The following GABRG3 variants were observed in gnomAD, a reference collection of about 807,000 sequenced individuals.
GABRG3 encodes gamma-aminobutyric acid receptor subunit gamma-3.
GABRG3 carries 25 observed loss-of-function variants against 48.8 expected under a neutral mutation model. That is an observed-to-expected ratio of 0.51 (90% CI 0.37 to 0.72). GABRG3 has a LOEUF of 0.72. GABRG3 is among the 30% of genes least tolerant of loss of function. The pLI is 0.00. For synonymous variants in GABRG3, 227 were observed against 217.6 expected (o/e 1.04, Z -0.38); for missense variants, 394 against 577.9 (o/e 0.68, Z 3.26).
intron 5 of GABRG3, among the ~76,000 whole-genome samples, chr15:27,331,384 T>C (rs1393948199): frequency 6.6e-6 from 1 of 152,164 alleles, no homozygotes; most frequent in African/African-American, 2.4e-5. Flanking sequence ...CACGGCATAT[T>C]CATGCAATGG....
At chr15:27,114,856 G>C (rs1897615296) in intron 3 of GABRG3, among the ~76,000 whole-genome samples, 1 of 150,196 alleles carries the variant, frequency 6.7e-6, no homozygotes. Flanking sequence ...TATTCTATTT[G>C]CTGATGGAAA....
intron 3 of GABRG3, among the ~76,000 whole-genome samples, chr15:27,265,440 C>A (rs183542846): frequency 3.9e-5 from 6 of 152,200 alleles, no homozygotes; most frequent in Admixed American, 3.9e-4. Context: ...TCTAAATACT[C>A]ATTTTTCCTT....
intron 3 of GABRG3, among the ~76,000 whole-genome samples, chr15:27,028,035 A>G (rs1251842464): frequency 1.3e-5 from 2 of 152,240 alleles, no homozygotes; most frequent in East Asian, 1.9e-4. Context: ...ATTTGCATAT[A>G]GAGGGATTTT....
chr15:27,375,162 G>T (rs898689399), intron 5 of GABRG3, among the ~76,000 whole-genome samples: 1 of 152,126 alleles, frequency 6.6e-6, no homozygotes, highest in South Asian at 2.1e-4. Context: ...AAGTATGTAG[G>T]TGTGTTGACA....
chr15:27,159,146 T>C (rs1271086064), intron 3 of GABRG3, among the ~76,000 whole-genome samples: 1 of 152,166 alleles, frequency 6.6e-6, no homozygotes, highest in Non-Finnish European at 1.5e-5. Context: ...AGCAATTTAA[T>C]TTTTATGGTT....
chr15:27,209,885 T>G (rs1046987967), intron 3 of GABRG3, among the ~76,000 whole-genome samples: 1 of 152,224 alleles, frequency 6.6e-6, no homozygotes, highest in Non-Finnish European at 1.5e-5. Flanking sequence ...CTTCCTGCTG[T>G]GTCCTCACAC....
At position 26,975,854 on chromosome 15, in the gene GABRG3, T is replaced by G. The variant is rs1258078939; in HGVS notation, c.54-1148T>G. Among the ~76,000 whole-genome samples, 1 of 152,160 alleles carries G rather than the reference T, an allele frequency of 6.6e-6. No homozygotes were observed. Among genetic ancestry groups the G allele is most frequent in the East Asian group, 1.9e-4 (1 of 5,188 alleles). ...CCGTGCAGTTTTCAATTCTTTTTAT[T>G]CTCTTCTGTGAAGAAAAAGTCACTA... On this transcript the variant is annotated intron_variant, in intron 1 of 9. Coordinates refer to ENST00000615808, the MANE Select transcript of GABRG3 (RefSeq NM_033223.5). This position sits in a 1 kb window ranked among gnomAD's most constrained non-coding sequence, Gnocchi z 4.6.
chr15:27,271,974 C>T (rs115268304), intron 3 of GABRG3, among the ~76,000 whole-genome samples: 2,039 of 152,286 alleles, frequency 0.013, 57 homozygotes, highest in African/African-American at 0.047. Context: ...TATTCCGCTT[C>T]CCTCTGACTC....
At chr15:27,505,348 A>C (rs1187117478) in intron 6 of GABRG3, among the ~76,000 whole-genome samples, 1 of 152,190 alleles carries the variant, frequency 6.6e-6, no homozygotes, top group East Asian at 1.9e-4. Context: ...CTGTAAAGTT[A>C]CAATATTTTC....
intron 3 of GABRG3, among the ~76,000 whole-genome samples, chr15:27,308,685 A>G (rs1183186339): frequency 3.4e-5 from 5 of 149,022 alleles, no homozygotes; most frequent in African/African-American, 9.9e-5. Context: ...ACGCTTATGT[A>G]TAAACATATA....
intron 3 of GABRG3, among the ~76,000 whole-genome samples, chr15:27,035,280 G>A (rs1896156595): frequency 1.3e-5 from 2 of 152,202 alleles, no homozygotes; most frequent in Non-Finnish European, 2.9e-5. Context: ...CACCTGGTAG[G>A]ATGGGGTGTT....
chr15:27,276,135 A>T (rs1566990286), intron 3 of GABRG3, among the ~76,000 whole-genome samples: 1 of 152,186 alleles, frequency 6.6e-6, no homozygotes, highest in Non-Finnish European at 1.5e-5. Flanking sequence ...TTTGGCAGAG[A>T]CTTAAGAGCA....
At chr15:27,335,265 T>C (rs905854972) in intron 5 of GABRG3, among the ~76,000 whole-genome samples, 1 of 149,376 alleles carries the variant, frequency 6.7e-6, no homozygotes, top group African/African-American at 2.5e-5. Flanking sequence ...AGAAGTGGAA[T>C]TGCTGGACCA....
intron 3 of GABRG3, among the ~76,000 whole-genome samples, chr15:27,135,660 A>G (rs1421142954): frequency 6.6e-6 from 1 of 152,162 alleles, no homozygotes; most frequent in Non-Finnish European, 1.5e-5. Context: ...TAATCCTAGC[A>G]CTTTGGGAGC....
chr15:27,301,536 G>A (rs1892206097), intron 3 of GABRG3, among the ~76,000 whole-genome samples: 1 of 152,078 alleles, frequency 6.6e-6, no homozygotes, highest in Non-Finnish European at 1.5e-5. Flanking sequence ...GTAAATGGAA[G>A]TTAGAAATAC....
chr15:27,033,000 CTTT>C (rs35121636), intron 3 of GABRG3, among the ~76,000 whole-genome samples: 1 of 151,988 alleles, frequency 6.6e-6, no homozygotes, highest in African/African-American at 2.4e-5. Context: ...TACAGCCCTT[CTTT>C]TTAAGCCATT....
At chr15:27,312,114 CA>C (rs1305002312) in intron 3 of GABRG3, among the ~76,000 whole-genome samples, 1 of 151,858 alleles carries the variant, frequency 6.6e-6, no homozygotes, top group Non-Finnish European at 1.5e-5. Flanking sequence ...ACAGAAAATA[CA>C]AAGTACCAAA....
intron 3 of GABRG3, among the ~76,000 whole-genome samples, chr15:27,195,614 C>A (rs1242127548): frequency 6.6e-6 from 1 of 152,016 alleles, no homozygotes; most frequent in Non-Finnish European, 1.5e-5. Flanking sequence ...GCCACCATGC[C>A]TGGCCATGTT....
chr15:27,338,611 A>G (rs1049732195), intron 5 of GABRG3, among the ~76,000 whole-genome samples: 1 of 152,092 alleles, frequency 6.6e-6, no homozygotes, highest in African/African-American at 2.4e-5. Context: ...CCATGCTCCT[A>G]GTTAGGTGCT....
Sources: allele counts gnomAD v4.1 joint callset (sites outside exome capture counted in the v4.1 genomes callset), GRCh38; gene constraint gnomAD v4.1.1; non-coding constraint Gnocchi (gnomAD v3.1); transcripts MANE v1.5; gene names NCBI Gene and HGNC (gene_info 2026-07-23, HGNC 2026-07-21).